The following BRCA2 variants were observed in gnomAD, a reference collection of about 807,000 sequenced individuals.
The protein encoded by BRCA2 is breast cancer type 2 susceptibility protein.
Under a neutral mutation model 276.7 loss-of-function variants are expected in BRCA2, and 203 were observed. The ratio of observed to expected loss-of-function variants is 0.73; its 90% confidence interval spans 0.65 to 0.82. BRCA2 has a LOEUF of 0.82. Among genes scored for constraint, BRCA2 ranks in the 40% least tolerant of loss-of-function variants. The probability of loss-of-function intolerance (pLI) is 0.00; values close to 1 mark genes in which losing one functional copy is unlikely to be tolerated. For synonymous variants in BRCA2, 1,289 were observed against 1,338.4 expected (o/e 0.96, Z 0.81); for missense variants, 3,920 against 3,915.0 (o/e 1.00, Z -0.03).
intron 18 of BRCA2, among the ~76,000 whole-genome samples, chr13:32,366,833 A>G (rs2072785622): frequency 6.6e-6 from 1 of 151,320 alleles, no homozygotes; most frequent in Non-Finnish European, 1.5e-5. Flanking sequence ...AAGAAAAAAA[A>G]AAATATGCTT....
intron 24 of BRCA2, among the ~76,000 whole-genome samples, chr13:32,393,936 TCA>T (rs946654093): frequency 6.6e-6 from 1 of 152,178 alleles, no homozygotes; most frequent in African/African-American, 2.4e-5. Flanking sequence ...TTTCCCCCAC[TCA>T]CACCCTGTTC....
At chr13:32,326,418 A>T (rs2137451481) in intron 6 of BRCA2, 81 bp from the exon 7 acceptor site, 1 of 1,445,096 alleles carries the variant, frequency 6.9e-7, no homozygotes, top group South Asian at 1.2e-5. Flanking sequence ...ACGTTAAGTG[A>T]AATAAAGAGT....
At chr13:32,375,044 G>C (rs2072861819) in intron 20 of BRCA2, among the ~76,000 whole-genome samples, 1 of 152,196 alleles carries the variant, frequency 6.6e-6, no homozygotes, top group South Asian at 2.1e-4. Context: ...TCACAAGGTG[G>C]CAGGAAAGAG....
intron 20 of BRCA2, among the ~76,000 whole-genome samples, chr13:32,374,190 C>T (rs1280711254): frequency 2.6e-5 from 4 of 152,260 alleles, no homozygotes; most frequent in Non-Finnish European, 5.9e-5. Flanking sequence ...ATTTTTCCCT[C>T]CTAGGCCTCA....
In BRCA2 at chr13:32,398,567, CT is replaced by C. The variant is rs1593202229; in HGVS notation, c.10058del (p.Leu3353CysfsTer30). On this transcript the variant is annotated frameshift_variant, in exon 27 of 27. Transcript: ENST00000380152. LOFTEE classifies it low-confidence loss of function (END_TRUNC). The stretch of plus-strand genomic sequence containing the variant: ...ACTTGCATTGATAAATACCCAAGCT[CT>C]TTTGTCTGGTTCAACAGGAGAAAAA... ...EELALINTQA[L>X]LSGSTGEKQF... The C allele has an allele frequency of 6.2e-7, 1 of 1,614,162 alleles. No homozygotes were observed. Among genetic ancestry groups the C allele is most frequent in the Non-Finnish European group, 8.5e-7 (1 of 1,180,020 alleles).
In BRCA2 at chr13:32,340,651, G is replaced by A. The variant is rs80358868; in HGVS notation, c.6296G>A (p.Arg2099Lys). The A allele has an allele frequency of 7.5e-6, 12 of 1,607,334 alleles. No individual in the cohort carries two copies. The highest frequency in any genetic ancestry group is 9.3e-6 in the Non-Finnish European group (11 of 1,178,278). ...AGTCTTCACTATTCACCTACGTCTA[G>A]ACAAAATGTATCAAAAATACTTCCT... Reference protein sequence around the residue: ...EHSLHYSPTSRQNVSKILPRV... With the variant: ...EHSLHYSPTSKQNVSKILPRV... The change falls in exon 11 of 27, where the codon AGA (arginine) becomes AAA (lysine). Residue 2099 changes from arginine to lysine, a missense_variant. By Grantham distance (26) the Arg-to-Lys change is conservative. Around this residue, in one of 2 missense-constraint regions of BRCA2, gnomAD observed 3,263 missense variants for 3,156.9 expected, o/e 1.03. Transcript: ENST00000380152.
chr13:32,385,906 A>C (rs572815403), intron 24 of BRCA2: 3 of 160,598 alleles, frequency 1.9e-5, no homozygotes, highest in African/African-American at 7.2e-5. Context: ...AGAAAAAGGC[A>C]TAATTTTCAA....
chr13:32,358,085 T>G (rs1045539724), intron 16 of BRCA2, among the ~76,000 whole-genome samples, 156 bp downstream of exon 16: 1 of 152,216 alleles, frequency 6.6e-6, no homozygotes, highest in African/African-American at 2.4e-5. Flanking sequence ...TCTGTAGAAG[T>G]CTTTTGAAAA....
chr13:32,350,797 C>T (rs949817548), intron 13 of BRCA2, among the ~76,000 whole-genome samples: 1 of 151,950 alleles, frequency 6.6e-6, no homozygotes, highest in Non-Finnish European at 1.5e-5. Flanking sequence ...AATATACTGC[C>T]TATTAATACT....
chr13:32,341,880 A>AG (rs2072573831), intron 11 of BRCA2, among the ~76,000 whole-genome samples: 1 of 151,806 alleles, frequency 6.6e-6, no homozygotes, highest in African/African-American at 2.4e-5. Context: ...AAAAAAAAAA[A>AG]AAGTTGGTTT....
At position 32,315,655 on chromosome 13, in the gene BRCA2, A is replaced by G. The variant is rs206118; in HGVS notation, c.-52A>G. 23,943 of 152,242 alleles carry G rather than the reference A, an allele frequency of 0.16. 1,996 individuals are homozygous for G. Among genetic ancestry groups the G allele is most frequent in the Middle Eastern group, 0.23 (68 of 296 alleles). 9.4% of individuals were successfully genotyped at this position (152,242 alleles called of 1,614,324 possible). On this transcript the variant is annotated 5_prime_UTR_variant, in exon 1 of 27. Transcript: ENST00000380152. The stretch of plus-strand genomic sequence containing the variant: ...CTTACTCCGGCCAAAAAAGAACTGC[A>G]CCTCTGGAGCGGGTTAGTGGTGGTG...
In BRCA2 at chr13:32,379,897, A is replaced by G. The variant is rs80359164; in HGVS notation, c.9101A>G (p.Gln3034Arg). ...NIQLAATKKT[Q>R]YQQLPVSDEI... Reference sequence around the variant, plus strand: ...CAGTTAGCAGCGACAAAAAAAACTCAGTATCAACAACTACCGGTACAAACC... The same window carrying G: ...CAGTTAGCAGCGACAAAAAAAACTCGGTATCAACAACTACCGGTACAAACC... Residue 3034 changes from glutamine (Q) to arginine (R), a missense_variant, in exon 23 of 27, where the codon CAG becomes CGG. By Grantham distance (43) the Gln-to-Arg change is conservative. Around this residue, in one of 2 missense-constraint regions of BRCA2, gnomAD observed 657 missense variants for 758.2 expected, o/e 0.87. Transcript: ENST00000380152. 8 of 1,613,640 alleles carry G rather than the reference A, an allele frequency of 5.0e-6. No individual in the cohort carries two copies. Among genetic ancestry groups the G allele is most frequent in the Non-Finnish European group, 6.8e-6 (8 of 1,179,756 alleles).
intron 3 of BRCA2, among the ~76,000 whole-genome samples, chr13:32,322,308 A>C (rs1344811382): frequency 6.6e-6 from 1 of 152,156 alleles, no homozygotes; most frequent in East Asian, 1.9e-4. Flanking sequence ...GATTGTAGAG[A>C]CCCTAACCCA....
At chr13:32,375,850 G>A (rs933590077) in intron 20 of BRCA2, among the ~76,000 whole-genome samples, 2 of 151,974 alleles carry the variant, frequency 1.3e-5, no homozygotes, top group South Asian at 2.1e-4. Flanking sequence ...GTAAGCCACC[G>A]TACCCGGCAA....
At chr13:32,367,049 A>C (rs1334492003) in intron 18 of BRCA2, among the ~76,000 whole-genome samples, 1 of 152,222 alleles carries the variant, frequency 6.6e-6, no homozygotes, top group Admixed American at 6.5e-5. Context: ...AAAACTAAGC[A>C]TCAAACACTA....
intron 13 of BRCA2, among the ~76,000 whole-genome samples, chr13:32,350,866 TG>T (rs1396603116): frequency 4.6e-5 from 7 of 152,186 alleles, no homozygotes; most frequent in Admixed American, 4.6e-4. Flanking sequence ...TAGTGAGAGG[TG>T]AAGCTGGCTG....
chr13:32,348,870 A>G (rs912220706), intron 13 of BRCA2, among the ~76,000 whole-genome samples: 2 of 152,322 alleles, frequency 1.3e-5, no homozygotes, highest in East Asian at 1.9e-4. Flanking sequence ...GTTTGCCTTC[A>G]AGATAAAAAT....
rs2137536816 is a variant in BRCA2 at position 32,344,568 on chromosome 13, A to G, written c.6852A>G (p.Ser2284=). The change falls in exon 12 of 27, where the codon TCA becomes TCG. Residue 2284 remains serine (S), a synonymous_variant. Transcript: ENST00000380152. ...AATATTTCTTTTTAGGAGAACCCTC[A>G]ATCAAAAGAAACTTATTAAATGAAT... ...GEPLILVGEP[S]IKRNLLNEFD... The G allele has an allele frequency of 1.3e-6, 2 of 1,540,766 alleles. No individual in the cohort carries two copies. The highest frequency in any genetic ancestry group is 1.1e-5 in the South Asian group (1 of 88,368).
intron 16 of BRCA2, among the ~76,000 whole-genome samples, chr13:32,360,137 A>C (rs551177015): frequency 6.6e-6 from 1 of 152,182 alleles, no homozygotes; most frequent in Admixed American, 6.5e-5. Context: ...AAGTAAAAGG[A>C]GGGAGCATAG....
Sources: gnomAD v4.1 joint callset for allele counts (sites outside exome capture counted in the v4.1 genomes callset) on GRCh38, gnomAD v4.1.1 for gene constraint, gnomAD v4.1.1 regional missense constraint, MANE v1.5 for transcripts, NCBI Gene and HGNC (gene_info 2026-07-23, HGNC 2026-07-21) for gene names.